Variants in ZC3H12B observed in about 807,000 individuals in gnomAD.
ZC3H12B encodes zinc finger CCCH-type containing 12B.
Under a neutral mutation model 43.9 loss-of-function variants are expected in ZC3H12B, and 7 were observed. The ratio of observed to expected loss-of-function variants is 0.16; its 90% CI spans 0.09 to 0.30. The LOEUF is 0.30. Ranked by LOEUF, ZC3H12B falls within the 10% of genes least tolerant of loss-of-function variation. The pLI is 1.00. For synonymous variants in ZC3H12B, 222 were observed against 241.7 expected, an observed-to-expected ratio of 0.92 and a Z score of 0.76; for missense variants, 475 against 670.2, an observed-to-expected ratio of 0.71 and a Z score of 3.22.
At chrX:65,214,356 G>A in the ZC3H12B span, among the ~76,000 whole-genome samples, 2 of 111,950 alleles carry the variant, frequency 1.8e-5, no homozygotes, top group Admixed American at 9.5e-5. Flanking sequence ...CAAAATTAGA[G>A]TCAATCCTCT....
At chrX:65,096,826 CTTA>C in the ZC3H12B span, among the ~76,000 whole-genome samples, 1 of 111,156 alleles carries the variant, frequency 9.0e-6, no homozygotes, top group African/African-American at 3.3e-5. Context: ...ATGTAAAGGG[CTTA>C]TTGTTATTGA....
chrX:65,439,322 A>G (rs2067271106), intron 3 of ZC3H12B, among the ~76,000 whole-genome samples: 1 of 112,021 alleles, frequency 8.9e-6, no homozygotes, highest in Non-Finnish European at 1.9e-5. Flanking sequence ...CATACTTCTT[A>G]TTATACCTAC....
At chrX:65,201,577 G>A in the ZC3H12B span, among the ~76,000 whole-genome samples, 8 of 104,932 alleles carry the variant, frequency 7.6e-5, no homozygotes, top group African/African-American at 2.8e-4. Context: ...TTATTTTTTT[G>A]TCTTCTGCTA....
chrX:65,390,826 A>C (rs1442528293), intron 2 of ZC3H12B, among the ~76,000 whole-genome samples: 1 of 112,251 alleles, frequency 8.9e-6, no homozygotes, highest in African/African-American at 3.2e-5. Flanking sequence ...ATGTTAGGTC[A>C]AGAAGCAAGT....
the ZC3H12B span, among the ~76,000 whole-genome samples, chrX:65,156,650 G>C: frequency 9.0e-6 from 1 of 110,869 alleles, no homozygotes; most frequent in Admixed American, 9.7e-5. Flanking sequence ...CAAAGTGCTG[G>C]GATTACAGGC....
the ZC3H12B span, among the ~76,000 whole-genome samples, chrX:65,232,398 C>T: frequency 9.0e-6 from 1 of 111,238 alleles, no homozygotes; most frequent in Non-Finnish European, 1.9e-5. Flanking sequence ...CTTCCCGCAA[C>T]ATGCAATATA....
the ZC3H12B span, among the ~76,000 whole-genome samples, chrX:65,237,959 G>A: frequency 9.0e-6 from 1 of 111,685 alleles, no homozygotes; most frequent in South Asian, 3.7e-4. Flanking sequence ...GCTTGATTCA[G>A]TTTGCCAGCA....
At chrX:65,344,236 G>A in the ZC3H12B span, among the ~76,000 whole-genome samples, 4 of 112,068 alleles carry the variant, frequency 3.6e-5, no homozygotes, top group African/African-American at 9.7e-5. Flanking sequence ...AATTGATATC[G>A]TTAAAATGGC....
At chrX:65,075,872 CTGA>C in the ZC3H12B span, among the ~76,000 whole-genome samples, 2 of 111,890 alleles carry the variant, frequency 1.8e-5, no homozygotes, top group East Asian at 5.7e-4. Flanking sequence ...GAGTTTTCTG[CTGA>C]TGATGCTATG....
the ZC3H12B span, among the ~76,000 whole-genome samples, chrX:65,155,437 C>A: frequency 8.9e-6 from 1 of 111,841 alleles, no homozygotes; most frequent in East Asian, 2.8e-4. Context: ...CCACTTTGAT[C>A]TTTTCTTTTG....
chrX:65,395,734 T>A (rs1358514906), intron 2 of ZC3H12B, among the ~76,000 whole-genome samples: 1 of 111,953 alleles, frequency 8.9e-6, no homozygotes, highest in Non-Finnish European at 1.9e-5. Context: ...ATTTTTTCTA[T>A]CATTTGGAAT....
the ZC3H12B span, chrX:65,357,536 C>A: frequency 8.9e-6 from 1 of 112,298 alleles, no homozygotes; most frequent in Non-Finnish European, 1.9e-5. Context: ...CACCGCTGAA[C>A]TTCAACATTC....
At chrX:65,259,410 A>G in the ZC3H12B span, among the ~76,000 whole-genome samples, 2 of 112,187 alleles carry the variant, frequency 1.8e-5, no homozygotes, top group Non-Finnish European at 3.8e-5. Flanking sequence ...ATGAAAATCA[A>G]CTCAAGATGG....
chrX:65,301,944 G>A, the ZC3H12B span, among the ~76,000 whole-genome samples: 1 of 110,479 alleles, frequency 9.1e-6, no homozygotes, highest in Non-Finnish European at 1.9e-5. Flanking sequence ...AGCTTTAAAC[G>A]ATCCTTTCTC....
chrX:65,284,960 T>C, the ZC3H12B span, among the ~76,000 whole-genome samples: 1 of 111,172 alleles, frequency 9.0e-6, no homozygotes, highest in Non-Finnish European at 1.9e-5. Flanking sequence ...TGAAAATGAA[T>C]GAGCAAATCT....
At chrX:65,192,347 T>A in the ZC3H12B span, among the ~76,000 whole-genome samples, 1 of 111,686 alleles carries the variant, frequency 9.0e-6, no homozygotes, top group Non-Finnish European at 1.9e-5. Flanking sequence ...CTTTTTTTCT[T>A]TTTGTTGTCT....
At chrX:65,050,229 T>C in the ZC3H12B span, among the ~76,000 whole-genome samples, 1 of 111,480 alleles carries the variant, frequency 9.0e-6, no homozygotes, top group East Asian at 2.8e-4. Flanking sequence ...TCTATGGAAG[T>C]GCAACTGCTT....
chrX:65,218,134 G>A, the ZC3H12B span, among the ~76,000 whole-genome samples: 1 of 112,372 alleles, frequency 8.9e-6, no homozygotes, highest in East Asian at 2.8e-4. Flanking sequence ...AATGTGCCAG[G>A]AGGGAATGAT....
At chrX:65,414,052 G>A (rs2066933282) in intron 3 of ZC3H12B, among the ~76,000 whole-genome samples, 1 of 111,786 alleles carries the variant, frequency 8.9e-6, no homozygotes, top group Admixed American at 9.5e-5. Flanking sequence ...AAATTGAATT[G>A]TTTTATTCTT....
Sources: allele counts gnomAD v4.1 joint callset (sites outside exome capture counted in the v4.1 genomes callset), GRCh38; gene constraint gnomAD v4.1.1; transcripts MANE v1.5; gene names NCBI Gene and HGNC (gene_info 2026-07-23, HGNC 2026-07-21).